The following ASTN1 variants were observed in gnomAD, a reference collection of about 807,000 sequenced individuals.
ASTN1 encodes the protein astrotactin 1.
In ASTN1, 41 loss-of-function variants were observed where a neutral mutation model predicts 140.7. That is an observed-to-expected ratio of 0.29 (90% confidence interval 0.23 to 0.38). The LOEUF is 0.38. ASTN1 is among the 10% of genes least tolerant of loss of function. ASTN1 has a pLI of 1.00. For synonymous variants in ASTN1, 640 were observed against 652.2 expected, an observed-to-expected ratio of 0.98 and a Z score of 0.29; for missense variants, 1,479 against 1,678.8, an observed-to-expected ratio of 0.88 and a Z score of 2.08.
intron 1 of ASTN1, among the ~76,000 whole-genome samples, chr1:177,072,611 CA>C (rs1165370389): frequency 2.6e-5 from 4 of 152,174 alleles, no homozygotes; most frequent in Admixed American, 2.0e-4. Flanking sequence ...CATACATTGA[CA>C]GAACAGTTTC....
intron 1 of ASTN1, among the ~76,000 whole-genome samples, chr1:177,133,229 C>T (rs897996173): frequency 1.3e-5 from 2 of 152,120 alleles, no homozygotes; most frequent in Non-Finnish European, 2.9e-5. Context: ...GGCACTTTGC[C>T]ATTTATAAAC....
intron 2 of ASTN1, among the ~76,000 whole-genome samples, chr1:177,033,121 G>GTC (rs1391431169): frequency 8.5e-6 from 1 of 118,166 alleles, no homozygotes; most frequent in African/African-American, 3.3e-5. Flanking sequence ...GAAGAAACAA[G>GTC]TCTGTGTGTG....
Position 177,023,527 on chromosome 1 carries a change from C to A in ASTN1, c.1315G>T (p.Asp439Tyr). 6.2e-7 allele frequency: 1 copy of A among 1,605,374 alleles called. No individual in the cohort carries two copies. The highest frequency in any genetic ancestry group is 2.3e-5 in the East Asian group (1 of 44,430). Residue 439 changes from aspartate (D) to tyrosine (Y), a missense_variant, in exon 7 of 23, where the codon GAC becomes TAC. Asp to Tyr is a radical substitution (Grantham distance 160). Around this residue, in one of 3 missense-constraint regions of ASTN1, gnomAD observed 729 missense variants for 860.4 expected, o/e 0.85. Coordinates refer to ENST00000361833, the MANE Select transcript of ASTN1 (RefSeq NM_004319.3). ...LLEGSQLDAS[D>Y]WLNPAQVVLF... ...ACCACTTGGGCAGGGTTCAGCCAGT[C>A]ACTGGCATCCAGCTGGCTCCCCTCC...
At chr1:177,082,192 T>C (rs1323154545) in intron 1 of ASTN1, among the ~76,000 whole-genome samples, 2 of 152,130 alleles carry the variant, frequency 1.3e-5, no homozygotes, top group Admixed American at 6.5e-5. Context: ...TGATGGTAAG[T>C]GGAAGCCATG....
In ASTN1 at chr1:176,861,548, G is replaced by A; in HGVS notation, c.*2736C>T. 1 of 985,804 alleles carries A rather than the reference G, an allele frequency of 1.0e-6. No homozygotes were observed. Among genetic ancestry groups the A allele is most frequent in the Non-Finnish European group, 1.2e-6 (1 of 829,982 alleles). The allele number at this position is 985,804 out of a possible 1,614,324, so 61.1% of individuals were successfully genotyped here. ...AAGTCAGCAGGTTGAGATCAATAGT[G>A]TCTTCCAAGGGGAAAAAATCCTCCA... On this transcript the variant is annotated 3_prime_UTR_variant, in exon 23 of 23. Coordinates refer to ENST00000361833, the MANE Select transcript of ASTN1 (RefSeq NM_004319.3).
intron 8 of ASTN1, among the ~76,000 whole-genome samples, chr1:176,985,446 C>T (rs1357066619): frequency 2.6e-5 from 4 of 152,056 alleles, no homozygotes; most frequent in African/African-American, 7.2e-5. Flanking sequence ...TCTTGGCTGT[C>T]ACTGCACCCC....
intron 1 of ASTN1, among the ~76,000 whole-genome samples, chr1:177,117,135 G>A (rs967270903): frequency 6.6e-6 from 1 of 151,932 alleles, no homozygotes; most frequent in Non-Finnish European, 1.5e-5. Context: ...CCCCCACCGA[G>A]TGGCACCTCC....
chr1:176,921,951 C>T (rs148799677), intron 16 of ASTN1, among the ~76,000 whole-genome samples: 3 of 152,058 alleles, frequency 2.0e-5, no homozygotes, highest in Admixed American at 6.6e-5. Context: ...GACATTCACT[C>T]GTTTATTCAA....
rs778426118 is a variant in ASTN1 at position 176,965,244 on chromosome 1, G to C, written c.1524-7C>G. 1.2e-6 allele frequency: 2 copies of C among 1,613,386 alleles called. No homozygotes were observed. Among genetic ancestry groups the C allele is most frequent in the South Asian group, 2.2e-5 (2 of 91,050 alleles). On this transcript the variant is annotated splice_region_variant and splice_polypyrimidine_tract_variant and intron_variant, in intron 8 of 22. Coordinates refer to ENST00000361833, the MANE Select transcript of ASTN1 (RefSeq NM_004319.3). ...TATTGTGTAAGGCCATGGCCTAAAA[G>C]AAGAAACATCATTCAATTAAATTCA...
intron 14 of ASTN1, among the ~76,000 whole-genome samples, chr1:176,940,909 G>A (rs1384202600): frequency 3.3e-5 from 5 of 152,202 alleles, no homozygotes; most frequent in African/African-American, 1.2e-4. Context: ...GGGCTTCTAG[G>A]AAACTTCTCT....
chr1:177,049,380 A>G (rs1677419732), intron 2 of ASTN1, among the ~76,000 whole-genome samples: 1 of 152,206 alleles, frequency 6.6e-6, no homozygotes, highest in South Asian at 2.1e-4. Flanking sequence ...GATTTTATTG[A>G]CATATTTCTC....
At chr1:177,158,530 A>G (rs940136732) in intron 1 of ASTN1, among the ~76,000 whole-genome samples, 1 of 152,148 alleles carries the variant, frequency 6.6e-6, no homozygotes, top group Non-Finnish European at 1.5e-5. Flanking sequence ...AACAGTGAAG[A>G]AATGAAGACT....
intron 5 of ASTN1, among the ~76,000 whole-genome samples, chr1:177,026,666 T>A (rs931808274): frequency 2.0e-5 from 3 of 152,210 alleles, no homozygotes; most frequent in Admixed American, 6.5e-5. Flanking sequence ...TCCTCACCAG[T>A]GTTTGTGATT....
chr1:177,035,620 A>G (rs1384518712), intron 2 of ASTN1, among the ~76,000 whole-genome samples: 4 of 152,222 alleles, frequency 2.6e-5, no homozygotes, highest in African/African-American at 4.8e-5. Context: ...AGATACCATT[A>G]GGCCTTCAAC....
intron 1 of ASTN1, among the ~76,000 whole-genome samples, chr1:177,122,638 C>T (rs1046228868): frequency 2.6e-5 from 4 of 152,216 alleles, no homozygotes; most frequent in South Asian, 4.1e-4. Flanking sequence ...CCTGGCTGCT[C>T]TTGTCACCAC....
At chr1:177,081,136 C>A (rs888327100) in intron 1 of ASTN1, among the ~76,000 whole-genome samples, 15 of 152,126 alleles carry the variant, frequency 9.9e-5, no homozygotes, top group African/African-American at 3.1e-4. Context: ...GGTGGTACCA[C>A]TCTAAAAGCC....
Position 177,024,631 on chromosome 1 carries a change from G to C in ASTN1, c.1222C>G (p.Leu408Val). The C allele has an allele frequency of 6.2e-7, 1 of 1,614,118 alleles. No homozygotes were observed. Among genetic ancestry groups the C allele is most frequent in the Non-Finnish European group, 8.5e-7 (1 of 1,180,024 alleles). Residue 408 changes from leucine (L) to valine (V), a missense_variant, in exon 6 of 23, where the codon CTC (leucine) becomes GTC (valine). Leu to Val is a conservative substitution (Grantham distance 32). Transcript: ENST00000361833. Reference protein sequence around the residue: ...LVCSSHVNCPLVVKITLHVPE... With the variant: ...LVCSSHVNCPVVVKITLHVPE... ...ACATGCAGGGTGATCTTGACAACGA[G>C]AGGGCAGTTGACGTGAGAGGAGCAC... is the stretch of plus-strand genomic sequence containing the variant.
At chr1:177,050,132 C>A (rs917894060) in intron 2 of ASTN1, among the ~76,000 whole-genome samples, 1 of 152,116 alleles carries the variant, frequency 6.6e-6, no homozygotes, top group South Asian at 2.1e-4. Context: ...CTTACAAATC[C>A]CAAGGGCCTA....
intron 14 of ASTN1, among the ~76,000 whole-genome samples, chr1:176,940,260 C>T (rs542317570): frequency 3.3e-5 from 5 of 152,278 alleles, no homozygotes; most frequent in Non-Finnish European, 5.9e-5. Flanking sequence ...CTAGAGTAAC[C>T]AGCCTAGGAA....
Sources: allele counts gnomAD v4.1 joint callset (sites outside exome capture counted in the v4.1 genomes callset), GRCh38; gene constraint gnomAD v4.1.1; regional missense constraint gnomAD v4.1.1; transcripts MANE v1.5; gene names NCBI Gene and HGNC (gene_info 2026-07-23, HGNC 2026-07-21).